The following ZDHHC17 variants were observed in gnomAD, a reference collection of about 807,000 sequenced individuals.
ZDHHC17 encodes palmitoyltransferase ZDHHC17.
Under a neutral mutation model 90.3 loss-of-function variants are expected in ZDHHC17, and 40 were observed. The observed-to-expected ratio is 0.44, with a 90% CI of 0.34 to 0.58. ZDHHC17 has a LOEUF of 0.58. Among genes scored for constraint, ZDHHC17 ranks in the 20% least tolerant of loss-of-function variants. The probability of loss-of-function intolerance (pLI) is 0.01; values close to 1 mark genes in which losing one functional copy is unlikely to be tolerated. For missense variants in ZDHHC17, 614 were observed against 780.8 expected (o/e 0.79, Z 2.55); for synonymous variants, 235 against 252.4 (o/e 0.93, Z 0.65).
intron 2 of ZDHHC17, among the ~76,000 whole-genome samples, chr12:76,801,822 AACAG>A (rs1244814408): frequency 6.6e-6 from 1 of 152,216 alleles, no homozygotes; most frequent in Non-Finnish European, 1.5e-5. Flanking sequence ...TTGTATTTCC[AACAG>A]ACATAAAGTA....
At chr12:76,797,266 A>T (rs1952831060) in intron 1 of ZDHHC17, among the ~76,000 whole-genome samples, 168 bp from the exon 2 acceptor site, 1 of 152,164 alleles carries the variant, frequency 6.6e-6, no homozygotes, top group African/African-American at 2.4e-5. Context: ...CCATCTCAAA[A>T]AAATAAATAA....
intron 1 of ZDHHC17, among the ~76,000 whole-genome samples, chr12:76,778,711 G>A (rs993293777): frequency 4.3e-4 from 65 of 152,220 alleles, no homozygotes; most frequent in African/African-American, 1.6e-3. Context: ...AATGGCAGAT[G>A]ATGTTAAATA....
intron 10 of ZDHHC17, among the ~76,000 whole-genome samples, chr12:76,829,153 C>CA (rs935522149): frequency 1.1e-3 from 160 of 152,120 alleles, no homozygotes; most frequent in African/African-American, 3.7e-3. Flanking sequence ...GGCGATTTCT[C>CA]AAAAAACTAA....
chr12:76,850,818 G>A (rs375966738), intron 16 of ZDHHC17, 29 bp from the exon 17 acceptor site: 8 of 1,607,508 alleles, frequency 5.0e-6, no homozygotes, highest in South Asian at 3.3e-5. Flanking sequence ...ACTGACTGAC[G>A]TGTTTTCTTT....
At chr12:76,778,028 CTGTGGTGGT>C (rs1460514896) in intron 1 of ZDHHC17, among the ~76,000 whole-genome samples, 3 of 152,090 alleles carry the variant, frequency 2.0e-5, no homozygotes, top group Non-Finnish European at 4.4e-5. Flanking sequence ...GTAGGCTTTC[CTGTGGTGGT>C]TGTGGATTGG....
chr12:76,764,425 T>C (rs1952405125), intron 1 of ZDHHC17, 96 bp downstream of exon 1: 3 of 1,199,854 alleles, frequency 2.5e-6, no homozygotes, highest in South Asian at 2.9e-5. Context: ...TGTGGGGTAG[T>C]GGGACGTGCC....
intron 1 of ZDHHC17, among the ~76,000 whole-genome samples, chr12:76,776,390 TTC>T (rs2137717797): frequency 6.6e-6 from 1 of 152,288 alleles, no homozygotes; most frequent in South Asian, 2.1e-4. Context: ...AAGCACAAAC[TTC>T]TCTCACTCCT....
At position 76,846,586 on chromosome 12, in the gene ZDHHC17, C is replaced by T. The variant is rs1391985348; in HGVS notation, c.1424-10C>T. The T allele has an allele frequency of 1.1e-5, 18 of 1,608,210 alleles. No homozygotes were observed. Among genetic ancestry groups the T allele is most frequent in the African/African-American group, 5.3e-5 (4 of 74,850 alleles). On this transcript the variant is annotated splice_polypyrimidine_tract_variant and intron_variant, in intron 13 of 16. Transcript: ENST00000426126. ...TAGCTGAAAAACCTTGCTTCTGTGT[C>T]GTTCTTCAGGTGCAGGCAACCATAG...
At chr12:76,834,996 G>A (rs947542158) in intron 10 of ZDHHC17, among the ~76,000 whole-genome samples, 12 of 96,120 alleles carry the variant, frequency 1.2e-4, no homozygotes, top group Middle Eastern at 5.2e-3. Flanking sequence ...TTGGCCTTTT[G>A]CTCTTCCATT....
intron 5 of ZDHHC17, among the ~76,000 whole-genome samples, chr12:76,810,642 AGTTGT>A (rs1226242342): frequency 1.3e-5 from 2 of 152,106 alleles, no homozygotes; most frequent in Non-Finnish European, 2.9e-5. Context: ...AAGCAGTGGC[AGTTGT>A]GTTGTGCATT....
intron 10 of ZDHHC17, among the ~76,000 whole-genome samples, chr12:76,838,633 C>G (rs557377048): frequency 1.3e-5 from 2 of 152,122 alleles, no homozygotes; most frequent in African/African-American, 2.4e-5. Flanking sequence ...TTCTACGCAG[C>G]CTTAGAGATA....
intron 10 of ZDHHC17, among the ~76,000 whole-genome samples, chr12:76,840,698 G>A (rs1246286596): frequency 2.0e-5 from 3 of 152,070 alleles, no homozygotes; most frequent in African/African-American, 7.2e-5. Flanking sequence ...GCTAAATTCA[G>A]TCTACCATTT....
At chr12:76,781,133 C>CAAAAA (rs33935444) in intron 1 of ZDHHC17, among the ~76,000 whole-genome samples, 2 of 92,334 alleles carry the variant, frequency 2.2e-5, no homozygotes, top group African/African-American at 8.9e-5. Context: ...GACTCCGTCT[C>CAAAAA]AAAAAAAAAA....
intron 1 of ZDHHC17, among the ~76,000 whole-genome samples, chr12:76,780,993 G>A (rs1051600531): frequency 2.0e-5 from 3 of 151,994 alleles, no homozygotes; most frequent in African/African-American, 7.2e-5. Flanking sequence ...AATTACCCGG[G>A]CGTGGTAGCA....
At chr12:76,806,341 C>T (rs1300490925) in intron 3 of ZDHHC17, among the ~76,000 whole-genome samples, 1 of 151,894 alleles carries the variant, frequency 6.6e-6, no homozygotes, top group Non-Finnish European at 1.5e-5. Flanking sequence ...TGTAATGGCT[C>T]AATCTTGGCT....
intron 2 of ZDHHC17, 133 bp downstream of exon 2, chr12:76,797,670 C>T (rs923926035): frequency 5.6e-5 from 32 of 569,332 alleles, no homozygotes; most frequent in Non-Finnish European, 7.1e-5. Flanking sequence ...GGGCCGGTTG[C>T]GGTGGCTCAC....
At chr12:76,824,525 C>G (rs1953207501) in intron 8 of ZDHHC17, among the ~76,000 whole-genome samples, 1 of 147,330 alleles carries the variant, frequency 6.8e-6, no homozygotes, top group Non-Finnish European at 1.5e-5. Flanking sequence ...TTTTGATTTG[C>G]TAGCCTGTGA....
chr12:76,808,474 C>CT (rs1182089788), intron 3 of ZDHHC17, among the ~76,000 whole-genome samples: 3 of 152,076 alleles, frequency 2.0e-5, no homozygotes, highest in African/African-American at 7.2e-5. Flanking sequence ...TTCTCTCTCT[C>CT]TCCCCCTCTC....
rs1269331049 is a variant in ZDHHC17 at position 76,852,522 on chromosome 12, G to A, written c.*1537G>A. ...TTGCTGTTAATAGGCATTATACCCT[G>A]CAAGTTCACTGCATGTCTGATGCTT... On this transcript the variant is annotated 3_prime_UTR_variant, in exon 17 of 17. Transcript: ENST00000426126. 1 of 152,618 alleles carries A rather than the reference G, an allele frequency of 6.6e-6. No homozygotes were observed. Among genetic ancestry groups the A allele is most frequent in the African/African-American group, 2.4e-5 (1 of 41,456 alleles). The allele number at this position is 152,618 out of a possible 1,614,324, so 9.5% of individuals were successfully genotyped here. A position where few individuals can be genotyped will look rare whatever the true frequency, so the allele number is the denominator to read the frequency against.
Sources: allele counts gnomAD v4.1 joint callset (sites outside exome capture counted in the v4.1 genomes callset), GRCh38; gene constraint gnomAD v4.1.1; transcripts MANE v1.5; gene names NCBI Gene and HGNC (gene_info 2026-07-23, HGNC 2026-07-21).